STAU2: variants seen among roughly 807,000 people sequenced by gnomAD.
The protein encoded by STAU2 is staufen double-stranded RNA binding protein 2, also known as double-stranded RNA-binding protein Staufen homolog 2.
In STAU2, 20 loss-of-function variants were observed where a neutral mutation model predicts 65.9. That is an observed-to-expected ratio of 0.30 (90% CI 0.21 to 0.44). The LOEUF (loss-of-function observed/expected upper bound fraction) is 0.44, where lower values mean the gene tolerates loss of function less well. STAU2 is among the 20% of genes least tolerant of loss of function. The pLI is 1.00. For synonymous variants in STAU2, 232 were observed against 233.9 expected (o/e 0.99, Z 0.07); for missense variants, 558 against 683.9 (o/e 0.82, Z 2.05).
chr8:73,506,478 T>C (rs1822071590), intron 13 of STAU2, among the ~76,000 whole-genome samples: 2 of 152,196 alleles, frequency 1.3e-5, no homozygotes, highest in Non-Finnish European at 2.9e-5. Context: ...GTCTATTAAG[T>C]GTGCAATAGC....
intron 13 of STAU2, among the ~76,000 whole-genome samples, chr8:73,469,508 C>T (rs1199650215): frequency 2.0e-5 from 3 of 149,950 alleles, no homozygotes; most frequent in Admixed American, 6.6e-5. Flanking sequence ...TGGATGGAGA[C>T]TGAGTAGAAG....
At chr8:73,490,207 T>A (rs151120923) in intron 13 of STAU2, among the ~76,000 whole-genome samples, 1 of 152,014 alleles carries the variant, frequency 6.6e-6, no homozygotes, top group Non-Finnish European at 1.5e-5. Context: ...GAGCTTCGCA[T>A]AAGATTTCAC....
At chr8:73,708,632 C>G (rs1320581204) in intron 4 of STAU2, among the ~76,000 whole-genome samples, 1 of 152,118 alleles carries the variant, frequency 6.6e-6, no homozygotes, top group Non-Finnish European at 1.5e-5. Context: ...TACTCTGTCT[C>G]CATTTCTACT....
chr8:73,494,111 A>G (rs1306370320), intron 13 of STAU2, among the ~76,000 whole-genome samples: 1 of 151,766 alleles, frequency 6.6e-6, no homozygotes, highest in East Asian at 1.9e-4. Flanking sequence ...GAGTTGTACA[A>G]GCATATGATC....
upstream of STAU2, chr8:73,747,005 G>A: frequency 3.0e-6 from 1 of 332,022 alleles, no homozygotes; most frequent in Non-Finnish European, 4.3e-6. Context: ...CGGCCGGCGC[G>A]CGCGCCCGGC....
chr8:73,725,311 A>C (rs1051646951), intron 3 of STAU2, among the ~76,000 whole-genome samples: 5 of 152,148 alleles, frequency 3.3e-5, no homozygotes, highest in African/African-American at 1.2e-4. Flanking sequence ...ATTTTGTCGT[A>C]TAGGAATTGT....
intron 6 of STAU2, among the ~76,000 whole-genome samples, chr8:73,624,038 T>C (rs1452083085): frequency 6.6e-6 from 1 of 152,152 alleles, no homozygotes; most frequent in Non-Finnish European, 1.5e-5. Flanking sequence ...AGATATGCAC[T>C]AAAAGCTAGG....
chr8:73,563,112 A>G (rs973891481), intron 12 of STAU2, among the ~76,000 whole-genome samples: 1 of 152,184 alleles, frequency 6.6e-6, no homozygotes, highest in African/African-American at 2.4e-5. Flanking sequence ...ACACAAAAAA[A>G]CCTGTTCTCC....
intron 5 of STAU2, among the ~76,000 whole-genome samples, chr8:73,678,149 T>C (rs934990299): frequency 2.6e-5 from 4 of 152,166 alleles, no homozygotes; most frequent in African/African-American, 9.7e-5. Flanking sequence ...AATGGTTTTT[T>C]AGTGTCTCCC....
chr8:73,635,571 A>G (rs970664874), intron 6 of STAU2, among the ~76,000 whole-genome samples: 6 of 152,040 alleles, frequency 3.9e-5, no homozygotes, highest in African/African-American at 1.2e-4. Context: ...TCATGCCTGT[A>G]ATCCCAGCAC....
At chr8:73,640,447 G>A (rs1371997584) in intron 6 of STAU2, among the ~76,000 whole-genome samples, 2 of 152,014 alleles carry the variant, frequency 1.3e-5, no homozygotes, top group African/African-American at 2.4e-5. Context: ...GTCCACAAAC[G>A]TTCTGAAAAG....
At chr8:73,715,715 A>C (rs141811900) in intron 3 of STAU2, among the ~76,000 whole-genome samples, 47 of 152,308 alleles carry the variant, frequency 3.1e-4, no homozygotes, top group African/African-American at 1.1e-3. Context: ...GACATTTGCA[A>C]TGATAATCTG....
At chr8:73,655,514 AATAG>A (rs771553343) in intron 6 of STAU2, among the ~76,000 whole-genome samples, 1 of 152,046 alleles carries the variant, frequency 6.6e-6, no homozygotes, top group Non-Finnish European at 1.5e-5. Context: ...ATGCAACAAA[AATAG>A]ATATATTAAT....
intron 4 of STAU2, among the ~76,000 whole-genome samples, chr8:73,705,490 G>A (rs1820446247): frequency 6.6e-6 from 1 of 152,070 alleles, no homozygotes; most frequent in Admixed American, 6.6e-5. Context: ...TGGAAAAGAA[G>A]AAAATACCAT....
At position 73,603,895 on chromosome 8, in the gene STAU2, T is replaced by C. The variant is rs533018330; in HGVS notation, c.892-32A>G. On this transcript the variant is annotated intron_variant, in intron 9 of 14. Coordinates refer to ENST00000524300, the MANE Select transcript of STAU2 (RefSeq NM_001164380.2). ...ATTAATTTAAGAAAAAGTTTTAAAA[T>C]ATGCTTGTGAAACCTGTTATTGAAT... 11 of 1,575,116 alleles carry C rather than the reference T, an allele frequency of 7.0e-6. No individual in the cohort carries two copies. In the African/African-American group the frequency reaches 9.6e-5, roughly 14 times the overall value.
At position 73,475,164 on chromosome 8, in the gene STAU2, C is replaced by T. The variant is rs115484078; in HGVS notation, c.1531-52462G>A. Among the ~76,000 whole-genome samples the T allele has an allele frequency of 9.1e-3, 1,388 of 152,192 alleles. 23 individuals are homozygous for T. The highest frequency in any genetic ancestry group is 0.032 in the African/African-American group (1,319 of 41,520). ...GGGGTGGGGGCTTCTGGGAGGCTAG[C>T]GTGTCTCCTGAGCAGGATACTGATT... On this transcript the variant is annotated intron_variant, in intron 13 of 14. Coordinates refer to ENST00000524300, the MANE Select transcript of STAU2 (RefSeq NM_001164380.2).
intron 13 of STAU2, among the ~76,000 whole-genome samples, chr8:73,528,942 T>C (rs545899025): frequency 6.6e-6 from 1 of 152,224 alleles, no homozygotes; most frequent in African/African-American, 2.4e-5. Flanking sequence ...GTCTAATGGC[T>C]TAATAATTCA....
chr8:73,649,869 T>TATATATA, intron 6 of STAU2, among the ~76,000 whole-genome samples: 1 of 71,628 alleles, frequency 1.4e-5, no homozygotes, highest in East Asian at 5.1e-4. Context: ...CTATATAATT[T>TATATATA]TATATATATA....
intron 13 of STAU2, among the ~76,000 whole-genome samples, chr8:73,549,421 T>A (rs544520634): frequency 6.6e-6 from 1 of 152,310 alleles, no homozygotes; most frequent in South Asian, 2.1e-4. Context: ...TTCGGTCACA[T>A]TCTGCTCTCT....
Sources: allele counts gnomAD v4.1 joint callset (sites outside exome capture counted in the v4.1 genomes callset), GRCh38; gene constraint gnomAD v4.1.1; transcripts MANE v1.5; gene names NCBI Gene and HGNC (gene_info 2026-07-23, HGNC 2026-07-21).